LTBP1: variants seen among roughly 807,000 people sequenced by gnomAD.
The protein encoded by LTBP1 is latent-transforming growth factor beta-binding protein 1.
Under a neutral mutation model 207.6 loss-of-function variants are expected in LTBP1, and 129 were observed. The ratio of observed to expected loss-of-function variants is 0.62; its 90% CI spans 0.54 to 0.72. The LOEUF is 0.72. Ranked by LOEUF, LTBP1 falls within the 30% of genes least tolerant of loss-of-function variation. The probability of loss-of-function intolerance (pLI) is 0.00; values close to 1 mark genes in which losing one functional copy is unlikely to be tolerated. For missense variants in LTBP1, 2,281 were observed against 2,217.2 expected (o/e 1.03, Z -0.58); for synonymous variants, 963 against 833.7 (o/e 1.16, Z -2.67).
At chr2:33,064,662 G>C (rs1046624454) in intron 3 of LTBP1, among the ~76,000 whole-genome samples, 1 of 152,160 alleles carries the variant, frequency 6.6e-6, no homozygotes, top group African/African-American at 2.4e-5. Context: ...CATTTCCCTG[G>C]ATAGCAAACA....
At chr2:33,226,757 A>T (rs2091460702) in intron 9 of LTBP1, among the ~76,000 whole-genome samples, 4 of 152,146 alleles carry the variant, frequency 2.6e-5, no homozygotes, top group Admixed American at 2.6e-4. Context: ...TCTTTATGCT[A>T]ATGAGCAGTG....
chr2:33,259,418 A>G (rs1170366824), intron 12 of LTBP1, among the ~76,000 whole-genome samples, 170 bp from the exon 13 acceptor site: 1 of 152,236 alleles, frequency 6.6e-6, no homozygotes, highest in Non-Finnish European at 1.5e-5. Flanking sequence ...TCTGTTAGTC[A>G]TGTGTAAAAT....
intron 5 of LTBP1, among the ~76,000 whole-genome samples, chr2:33,176,229 T>TGTTA (rs35172385): frequency 2.7e-5 from 1 of 36,570 alleles, no homozygotes; most frequent in African/African-American, 1.0e-4. Context: ...TTAATTAATC[T>TGTTA]ATTTATTTAT....
In LTBP1 at chr2:33,217,541, A is replaced by C; in HGVS notation, c.1702-11A>C. On this transcript the variant is annotated splice_polypyrimidine_tract_variant and intron_variant, in intron 7 of 33. Transcript: ENST00000404816. ...CAATTAACCTTCATATTTCACACCT[A>C]ATCATTGCAGTGTGGCAAAGCGCTC... 1 of 1,597,398 alleles carries C rather than the reference A, an allele frequency of 6.3e-7. No individual in the cohort carries two copies.
At chr2:33,119,651 G>T (rs916707025) in intron 4 of LTBP1, among the ~76,000 whole-genome samples, 1 of 152,150 alleles carries the variant, frequency 6.6e-6, no homozygotes, top group African/African-American at 2.4e-5. Context: ...CCGCCTCCCG[G>T]GTTCATGCCA....
intron 3 of LTBP1, among the ~76,000 whole-genome samples, chr2:33,077,559 A>C (rs1219872761): frequency 6.6e-6 from 1 of 152,020 alleles, no homozygotes; most frequent in Admixed American, 6.6e-5. Flanking sequence ...AAACAACCAG[A>C]TCTTGTGAAA....
intron 31 of LTBP1, among the ~76,000 whole-genome samples, chr2:33,385,144 A>G (rs1270408985): frequency 6.6e-6 from 1 of 152,208 alleles, no homozygotes; most frequent in African/African-American, 2.4e-5. Flanking sequence ...TCACTGCACA[A>G]CCAAGTAATG....
At chr2:33,242,132 C>T (rs544333016) in intron 9 of LTBP1, among the ~76,000 whole-genome samples, 3 of 152,146 alleles carry the variant, frequency 2.0e-5, no homozygotes, top group Admixed American at 6.5e-5. Context: ...AAAATATGTA[C>T]GTATAGATCA....
intron 4 of LTBP1, among the ~76,000 whole-genome samples, chr2:33,113,739 C>T (rs540964930): frequency 7.9e-5 from 12 of 152,226 alleles, no homozygotes; most frequent in South Asian, 4.2e-4. Flanking sequence ...AAAGTTCATC[C>T]GTGTTGTAGC....
At chr2:33,339,409 A>G (rs1006718811) in intron 24 of LTBP1, among the ~76,000 whole-genome samples, 2 of 152,158 alleles carry the variant, frequency 1.3e-5, no homozygotes, top group African/African-American at 4.8e-5. Context: ...GGTTCAATGA[A>G]TAACATAAAT....
At chr2:33,083,305 G>C (rs188895666) in intron 3 of LTBP1, among the ~76,000 whole-genome samples, 2 of 152,050 alleles carry the variant, frequency 1.3e-5, no homozygotes, top group Non-Finnish European at 2.9e-5. Flanking sequence ...TGATTGAGGA[G>C]GAAAGAAGGG....
At chr2:33,248,369 C>T (rs971163660) in intron 10 of LTBP1, among the ~76,000 whole-genome samples, 2 of 152,090 alleles carry the variant, frequency 1.3e-5, no homozygotes, top group Non-Finnish European at 2.9e-5. Flanking sequence ...AACAGTCATA[C>T]AGTCCATAAA....
chr2:33,155,348 G>A (rs961435321), intron 5 of LTBP1, among the ~76,000 whole-genome samples: 11 of 152,238 alleles, frequency 7.2e-5, no homozygotes, highest in South Asian at 6.2e-4. Context: ...GATTACAGGC[G>A]TGAGCCACCA....
chr2:33,280,292 C>G (rs1281846827), intron 19 of LTBP1, 134 bp downstream of exon 19: 1 of 890,320 alleles, frequency 1.1e-6, no homozygotes, highest in African/African-American at 1.7e-5. Flanking sequence ...AGAAAAGTTC[C>G]CAGTAACTTT....
chr2:33,011,998 C>A (rs1482943125), intron 2 of LTBP1, among the ~76,000 whole-genome samples: 1 of 151,952 alleles, frequency 6.6e-6, no homozygotes, highest in East Asian at 1.9e-4. Flanking sequence ...CTCCCTGACC[C>A]CCACTGTGAT....
chr2:33,115,327 C>T (rs1450832516), intron 4 of LTBP1, among the ~76,000 whole-genome samples: 1 of 151,864 alleles, frequency 6.6e-6, no homozygotes, highest in Non-Finnish European at 1.5e-5. Context: ...AGAAGATTAG[C>T]GGTTGCCAGG....
chr2:33,091,090 G>A (rs529840828), intron 3 of LTBP1, among the ~76,000 whole-genome samples: 2 of 152,306 alleles, frequency 1.3e-5, no homozygotes, highest in African/African-American at 4.8e-5. Context: ...CTTTTGTGGA[G>A]CCTCCCTGTC....
intron 19 of LTBP1, among the ~76,000 whole-genome samples, chr2:33,288,090 A>G (rs939137124): frequency 2.0e-5 from 3 of 152,228 alleles, no homozygotes; most frequent in Admixed American, 6.5e-5. Flanking sequence ...GTACTCACTC[A>G]CTGAAGCCTG....
At chr2:33,117,825 C>T (rs2080846739) in intron 4 of LTBP1, among the ~76,000 whole-genome samples, 1 of 152,158 alleles carries the variant, frequency 6.6e-6, no homozygotes, top group Admixed American at 6.5e-5. Flanking sequence ...ATTGGAGCAA[C>T]ATTCTTACAC....
Sources: allele counts gnomAD v4.1 joint callset (sites outside exome capture counted in the v4.1 genomes callset), GRCh38; gene constraint gnomAD v4.1.1; transcripts MANE v1.5; gene names NCBI Gene and HGNC (gene_info 2026-07-23, HGNC 2026-07-21).